Variants in TMPRSS13 observed in about 807,000 individuals in gnomAD.
The protein encoded by TMPRSS13 is transmembrane serine protease 13.
In TMPRSS13, 50 loss-of-function variants were observed where a neutral mutation model predicts 68.4. The ratio of observed to expected loss-of-function variants is 0.73; its 90% CI spans 0.58 to 0.93. The LOEUF is 0.93. Among genes scored for constraint, TMPRSS13 ranks in the 40% least tolerant of loss-of-function variants. The pLI is 0.00. For missense variants in TMPRSS13, 615 were observed against 729.2 expected, an observed-to-expected ratio of 0.84 and a Z score of 1.80; for synonymous variants, 267 against 285.8, an observed-to-expected ratio of 0.93 and a Z score of 0.66.
intron 3 of TMPRSS13, among the ~76,000 whole-genome samples, chr11:117,916,030 C>G (rs544421194): frequency 6.6e-6 from 1 of 152,190 alleles, no homozygotes; most frequent in Non-Finnish European, 1.5e-5. Flanking sequence ...CTGTGTGGCA[C>G]TAAAGCCTGC....
At position 117,922,274 on chromosome 11, in the gene TMPRSS13, C is replaced by T. The variant is rs1040379962; in HGVS notation, c.22-3436G>A. On this transcript the variant is annotated intron_variant, in intron 1 of 12. Transcript: ENST00000524993. This position sits in a 1 kb window ranked among gnomAD's most constrained non-coding sequence, Gnocchi z 4.2. ...GCTTTGAGACAGAGTCTCACTCTGT[C>T]GCCAGGCTGGAGTACAGTGGCGTGA... Among the ~76,000 whole-genome samples the T allele has an allele frequency of 3.9e-5, 6 of 152,080 alleles. No individual in the cohort carries two copies. Among genetic ancestry groups the T allele is most frequent in the Admixed American group, 6.6e-5 (1 of 15,260 alleles).
intron 5 of TMPRSS13, among the ~76,000 whole-genome samples, chr11:117,913,043 A>T (rs1347528274): frequency 1.3e-5 from 2 of 151,760 alleles, no homozygotes; most frequent in Non-Finnish European, 2.9e-5. Flanking sequence ...CTAACACCCC[A>T]CCCCAGGTGT....
At chr11:117,920,089 G>A (rs1030617960) in intron 1 of TMPRSS13, among the ~76,000 whole-genome samples, 16 of 152,180 alleles carry the variant, frequency 1.1e-4, no homozygotes, top group African/African-American at 3.6e-4. Flanking sequence ...GGTGGCCTGG[G>A]GCATCGGGGT....
chr11:117,908,909 C>T (rs2134885098), intron 8 of TMPRSS13, 125 bp from the exon 9 acceptor site: 2 of 927,174 alleles, frequency 2.2e-6, no homozygotes, highest in East Asian at 2.6e-5. Context: ...ATAAAATGAC[C>T]TCTGGAGGGA....
chr11:117,903,550 G>C (rs2057430339), intron 12 of TMPRSS13, 105 bp downstream of exon 12: 2 of 1,581,690 alleles, frequency 1.3e-6, no homozygotes, highest in South Asian at 2.3e-5. Flanking sequence ...CCGAATATGG[G>C]GACGCTGAGG....
chr11:117,911,923 A>G (rs2277288), intron 5 of TMPRSS13, 63 bp from the exon 6 acceptor site: 456,485 of 1,384,916 alleles, frequency 0.33, 76,343 homozygotes, highest in Non-Finnish European at 0.34. Flanking sequence ...CAAGTCCTCC[A>G]GCAGGCTAGA....
chr11:117,917,191 C>T lies in TMPRSS13; in HGVS notation c.535G>A (p.Val179Met), dbSNP rs2057587107. 7 of 1,612,528 alleles carry T rather than the reference C, an allele frequency of 4.3e-6. No homozygotes were observed. The highest frequency in any genetic ancestry group is 5.1e-6 in the Non-Finnish European group (6 of 1,180,010). ...IGCVLLLIAL[V>M]VSLIILFQFW... ...TCACAGAGGATGATGAGCGAAACCA[C>T]CAGGGCAATGAGGAGGAGCACGCAC... The change falls in exon 3 of 13, where the codon GTG becomes ATG. Residue 179 changes from valine to methionine, a missense_variant. Coordinates refer to ENST00000524993, the MANE Select transcript of TMPRSS13 (RefSeq NM_001077263.3).
chr11:117,909,618 G>A (rs2057499365), intron 8 of TMPRSS13, among the ~76,000 whole-genome samples, 188 bp downstream of exon 8: 1 of 152,148 alleles, frequency 6.6e-6, no homozygotes, highest in Admixed American at 6.5e-5. Flanking sequence ...GCCTAGCTCG[G>A]AACAAACACC....
At chr11:117,902,805 C>T (rs1431615758) in intron 12 of TMPRSS13, among the ~76,000 whole-genome samples, 1 of 152,120 alleles carries the variant, frequency 6.6e-6, no homozygotes, top group Non-Finnish European at 1.5e-5. Flanking sequence ...ATAGTAAATA[C>T]CGAGGATATT....
intron 9 of TMPRSS13, among the ~76,000 whole-genome samples, chr11:117,906,359 C>A (rs1044018171): frequency 1.3e-5 from 2 of 152,212 alleles, no homozygotes; most frequent in African/African-American, 4.8e-5. Flanking sequence ...TGTTATATAT[C>A]ACTTCATAAG....
chr11:117,918,319 A>T, intron 2 of TMPRSS13, 90 bp downstream of exon 2: 1 of 1,420,138 alleles, frequency 7.0e-7, no homozygotes, highest in Non-Finnish European at 9.6e-7. Flanking sequence ...GTTGTCTGCT[A>T]TGAGAGCAGA....
At chr11:117,919,336 A>T (rs1241736391) in intron 1 of TMPRSS13, among the ~76,000 whole-genome samples, 1 of 152,240 alleles carries the variant, frequency 6.6e-6, no homozygotes, top group Non-Finnish European at 1.5e-5. Context: ...TGTAATCGCT[A>T]GTTAAGCACT....
intron 9 of TMPRSS13, among the ~76,000 whole-genome samples, chr11:117,906,016 G>A (rs2057461672): frequency 6.6e-6 from 1 of 152,210 alleles, no homozygotes; most frequent in African/African-American, 2.4e-5. Context: ...AGCCTTGGAA[G>A]CTCCCTTGTA....
chr11:117,917,217 C>T lies in TMPRSS13; in HGVS notation c.509G>A (p.Gly170Glu). The change falls in exon 3 of 13, where the codon GGG becomes GAG. Residue 170 changes from glycine to glutamate, a missense_variant. Coordinates refer to ENST00000524993, the MANE Select transcript of TMPRSS13 (RefSeq NM_001077263.3). ...CAGGGCAATGAGGAGGAGCACGCAC[C>T]CGATGAGCGGTAGCTGCTTCTGGCC... is the stretch of plus-strand genomic sequence containing the variant. ...REGQKQLPLIGCVLLLIALVV... is the reference protein window; with the variant it reads ...REGQKQLPLIECVLLLIALVV... 5 of 1,613,072 alleles carry T rather than the reference C, an allele frequency of 3.1e-6. No homozygotes were observed. Among genetic ancestry groups the T allele is most frequent in the Non-Finnish European group, 4.2e-6 (5 of 1,180,012 alleles).
intron 1 of TMPRSS13, 60 bp downstream of exon 1, chr11:117,929,227 C>A (rs886547058): frequency 6.7e-7 from 1 of 1,502,582 alleles, no homozygotes; most frequent in Non-Finnish European, 9.0e-7. Flanking sequence ...TGTCTCCCAG[C>A]CTCAGCCCTG....
At position 117,914,599 on chromosome 11, in the gene TMPRSS13, A is replaced by C; in HGVS notation, c.557-85T>G. 6.3e-7 allele frequency: 1 copy of C among 1,580,720 alleles called. No homozygotes were observed. Among genetic ancestry groups the C allele is most frequent in the Non-Finnish European group, 8.6e-7 (1 of 1,167,422 alleles). Reference sequence around the variant, plus strand: ...GCAGCCCAAGGACCTGGGGGTTCTGAGACACCGACCTGCAATCCCTCTTGA... The same window carrying C: ...GCAGCCCAAGGACCTGGGGGTTCTGCGACACCGACCTGCAATCCCTCTTGA... On this transcript the variant is annotated intron_variant, in intron 3 of 12. Coordinates refer to ENST00000524993, the MANE Select transcript of TMPRSS13 (RefSeq NM_001077263.3). This position sits in a 1 kb window ranked among gnomAD's most constrained non-coding sequence, Gnocchi z 4.2.
At chr11:117,910,113 CG>C in intron 7 of TMPRSS13, 145 bp from the exon 8 acceptor site, 1 of 953,408 alleles carries the variant, frequency 1.0e-6, no homozygotes, top group Non-Finnish European at 1.5e-6. Context: ...CTTCCATGGA[CG>C]GGCTTTGCTC....
In TMPRSS13 at chr11:117,903,427, C is replaced by T. The variant is rs140590062; in HGVS notation, c.1677+228G>A. The T allele has an allele frequency of 1.9e-3, 2,908 of 1,536,292 alleles. 59 individuals carry two copies. In the East Asian group the frequency reaches 0.033, roughly 17 times the overall value. On this transcript the variant is annotated intron_variant, in intron 12 of 12. Coordinates refer to ENST00000524993, the MANE Select transcript of TMPRSS13 (RefSeq NM_001077263.3). Reference sequence around the variant, plus strand: ...GCAACTGCCTGCCTGGCCTGTAGGTCCACCCTTTTTCAACCCGCTGAGCTC... The same window carrying T: ...GCAACTGCCTGCCTGGCCTGTAGGTTCACCCTTTTTCAACCCGCTGAGCTC...
intron 1 of TMPRSS13, among the ~76,000 whole-genome samples, chr11:117,919,287 A>G (rs529826366): frequency 9.3e-4 from 141 of 152,282 alleles, no homozygotes; most frequent in Non-Finnish European, 1.6e-3. Flanking sequence ...TCTTTCATGT[A>G]TGTGTGTTAG....
Sources: gnomAD v4.1 joint callset for allele counts (sites outside exome capture counted in the v4.1 genomes callset) on GRCh38, gnomAD v4.1.1 for gene constraint, Gnocchi (gnomAD v3.1) non-coding constraint, MANE v1.5 for transcripts, NCBI Gene and HGNC (gene_info 2026-07-23, HGNC 2026-07-21) for gene names.